Variants in NBPF15 observed in about 807,000 individuals in gnomAD.
The protein encoded by NBPF15 is NBPF family member NBPF15.
A neutral mutation model predicts 62.2 loss-of-function variants in NBPF15; 74 were observed. That is an observed-to-expected ratio of 1.19 (90% CI 0.99 to 1.44). NBPF15 has a LOEUF of 1.44. Among genes scored for constraint, NBPF15 ranks in the 40% most tolerant of loss-of-function variants. The pLI is 0.00. For missense variants in NBPF15, 790 were observed against 550.0 expected (o/e 1.44, Z -4.36); for synonymous variants, 244 against 209.7 (o/e 1.16, Z -1.41).
At chr1:144,426,695 G>A (rs1669940969) in intron 17 of NBPF15, among the ~76,000 whole-genome samples, 1 of 151,686 alleles carries the variant, frequency 6.6e-6, no homozygotes, top group African/African-American at 2.4e-5. Flanking sequence ...TTGGCCGGGT[G>A]ACACACTGAT....
chr1:144,442,291 T>A (rs1416744833), intron 6 of NBPF15, among the ~76,000 whole-genome samples: 5 of 109,110 alleles, frequency 4.6e-5, no homozygotes, highest in East Asian at 4.6e-4. Context: ...GTGTATATAT[T>A]ATATATATAT....
intron 4 of NBPF15, among the ~76,000 whole-genome samples, chr1:144,451,808 T>C (rs1342382202): frequency 3.3e-5 from 5 of 151,300 alleles, no homozygotes; most frequent in African/African-American, 1.2e-4. Context: ...GAGTCTCTTA[T>C]GTCTACTTCT....
rs1228844111 is a variant in NBPF15, at chr1:144,422,866, G to A, written c.*147C>T. Reference sequence around the variant, plus strand: ...TTCAGATTGAGCACAGGTTGCCAATGGCATGGTTTGAGAATAGGAATAGAG... The same window carrying A: ...TTCAGATTGAGCACAGGTTGCCAATAGCATGGTTTGAGAATAGGAATAGAG... On this transcript the variant is annotated 3_prime_UTR_variant, in exon 22 of 22. Transcript: ENST00000581897. 5.7e-6 allele frequency: 9 copies of A among 1,575,102 alleles called. No homozygotes were observed. The South Asian group carries it at 1.1e-4, about 19-fold the overall frequency.
At chr1:144,439,223 C>T (rs1681025668) in intron 8 of NBPF15, among the ~76,000 whole-genome samples, 1 of 151,810 alleles carries the variant, frequency 6.6e-6, no homozygotes, top group African/African-American at 2.4e-5. Flanking sequence ...ACCTCATGAT[C>T]TGCCCGCCTC....
intron 3 of NBPF15, among the ~76,000 whole-genome samples, chr1:144,457,946 G>T (rs1170683580): frequency 6.6e-6 from 1 of 151,914 alleles, no homozygotes; most frequent in East Asian, 1.9e-4. Flanking sequence ...AATTAGCCGG[G>T]CATAGTGGTG....
chr1:144,442,314 ATAT>A (rs1393203724), intron 6 of NBPF15, among the ~76,000 whole-genome samples: 5 of 132,024 alleles, frequency 3.8e-5, no homozygotes, highest in African/African-American at 1.4e-4. Flanking sequence ...ACACGTGTAT[ATAT>A]TATATATATA....
chr1:144,456,520 T>A lies in NBPF15; in HGVS notation c.-432+17A>T, dbSNP rs1647983598. 2 of 1,321,796 alleles carry A rather than the reference T, an allele frequency of 1.5e-6. No individual in the cohort carries two copies. Among genetic ancestry groups the A allele is most frequent in the East Asian group, 6.4e-5 (2 of 31,104 alleles). 81.9% of individuals were successfully genotyped at this position (1,321,796 alleles called of 1,614,324 possible). On this transcript the variant is annotated intron_variant, in intron 4 of 21. Transcript: ENST00000581897. ...CTCTCTGACTCCATCGAGCTGGCAA[T>A]GCCTCAGGGTTTTTACCTGTGGGAT...
At chr1:144,459,251 G>T (rs1274834707) in intron 3 of NBPF15, 115 bp downstream of exon 3, 2 of 151,874 alleles carry the variant, frequency 1.3e-5, no homozygotes, top group African/African-American at 2.4e-5. Flanking sequence ...AACACTTTGG[G>T]AGGCCGAGGC....
chr1:144,437,779 A>G (rs1251070085), intron 9 of NBPF15, among the ~76,000 whole-genome samples, 166 bp downstream of exon 9: 1 of 151,958 alleles, frequency 6.6e-6, no homozygotes, highest in African/African-American at 2.4e-5. Flanking sequence ...ATACATTTTT[A>G]TTATCCTTCT....
rs587628591 is a variant in NBPF15, at chr1:144,423,485, G to C, written c.1770-229C>G. On this transcript the variant is annotated intron_variant, in intron 21 of 21. Coordinates refer to ENST00000581897, the MANE Select transcript of NBPF15 (RefSeq NM_001385408.1). ...AGAGAGACAGAGACAGAGACAGAGAGAAAGTGAGCTAGTGAATTGCCCAGG... is the reference window on the plus strand; with the variant it reads ...AGAGAGACAGAGACAGAGACAGAGACAAAGTGAGCTAGTGAATTGCCCAGG... 5.3e-5 allele frequency among the ~76,000 whole-genome samples: 8 copies of C among 152,100 alleles called. No individual in the cohort carries two copies. In the East Asian group the frequency reaches 1.4e-3, roughly 26 times the overall value.
At position 144,425,582 on chromosome 1, in the gene NBPF15, A is replaced by T. The variant is rs1669144527; in HGVS notation, c.1439-14T>A. The T allele has an allele frequency of 5.4e-6, 3 of 551,002 alleles. No individual in the cohort carries two copies. Among genetic ancestry groups the T allele is most frequent in the South Asian group, 3.6e-5 (2 of 55,388 alleles). 34.1% of individuals were successfully genotyped at this position (551,002 alleles called of 1,614,324 possible). A position where few individuals can be genotyped will look rare whatever the true frequency, so the allele number is the denominator to read the frequency against. ...CCTTTTTAATTCCTGCAATACATTC[A>T]GACAGGGACAGACAAAATAAGCCAA... On this transcript the variant is annotated splice_polypyrimidine_tract_variant and intron_variant, in intron 18 of 21. Transcript: ENST00000581897.
Position 144,436,930 on chromosome 1 carries a change from C to A in NBPF15, c.458G>T (p.Arg153Ile), listed in dbSNP as rs1298340912. 1.2e-6 allele frequency: 2 copies of A among 1,612,170 alleles called. No homozygotes were observed. Among genetic ancestry groups the A allele is most frequent in the Non-Finnish European group, 1.7e-6 (2 of 1,179,642 alleles). The change falls in exon 10 of 22, where the codon AGA (arginine) becomes ATA (isoleucine). Residue 153 changes from arginine (R) to isoleucine (I), a missense_variant. Transcript: ENST00000581897. Reference sequence around the variant, plus strand: ...CTTTTGGACAAGGTGCTGTGTCAGTCTACACCCCTCAGCCAGCTGTTCTTG... The same window carrying A: ...CTTTTGGACAAGGTGCTGTGTCAGTATACACCCCTCAGCCAGCTGTTCTTG... ...DLQEQLAEGC[R>I]LTQHLVQKLS... is the part of the protein sequence containing the mutation.
chr1:144,440,365 C>T lies in NBPF15; in HGVS notation c.-190-70G>A, dbSNP rs1405111754. On this transcript the variant is annotated intron_variant, in intron 6 of 21. Transcript: ENST00000581897. ...TCTTAGGAGCCCTGCATTCCAATTG[C>T]CCAGGCTTTGCTGAAACACAGGCAC... 6 of 904,368 alleles carry T rather than the reference C, an allele frequency of 6.6e-6. No individual in the cohort carries two copies. In the African/African-American group the frequency reaches 6.8e-5, roughly 10 times the overall value. 56.0% of individuals were successfully genotyped at this position (904,368 alleles called of 1,614,324 possible).
At chr1:144,455,347 C>A (rs1345145226) in intron 4 of NBPF15, among the ~76,000 whole-genome samples, 1 of 152,002 alleles carries the variant, frequency 6.6e-6, no homozygotes, top group Non-Finnish European at 1.5e-5. Flanking sequence ...TCCAGGGGAA[C>A]TTACACCACC....
In NBPF15 at chr1:144,440,263, AG is replaced by A; in HGVS notation, c.-159del. 6.6e-7 allele frequency: 1 copy of A among 1,505,890 alleles called. No individual in the cohort carries two copies. The highest frequency in any genetic ancestry group is 8.9e-7 in the Non-Finnish European group (1 of 1,123,332). 93.3% of individuals were successfully genotyped at this position (1,505,890 alleles called of 1,614,324 possible). ...AGTAGCGCAGACTCTGATAAGAGTGAGGTAGATTGTGGCCAGCGTGCCAGGT... is the reference window on the plus strand; with the variant it reads ...AGTAGCGCAGACTCTGATAAGAGTGAGTAGATTGTGGCCAGCGTGCCAGGT... On this transcript the variant is annotated 5_prime_UTR_variant, in exon 7 of 22. An upstream open reading frame in the 5' UTR gains an earlier in-frame stop. Transcript: ENST00000581897.
At chr1:144,447,720 G>C (rs1688582450) in intron 6 of NBPF15, among the ~76,000 whole-genome samples, 1 of 152,096 alleles carries the variant, frequency 6.6e-6, no homozygotes, top group Non-Finnish European at 1.5e-5. Flanking sequence ...TCAGCGTAAA[G>C]CACTCAACCA....
intron 2 of NBPF15, among the ~76,000 whole-genome samples, 183 bp from the exon 3 acceptor site, chr1:144,459,666 C>G (rs1651003084): frequency 6.6e-6 from 1 of 151,744 alleles, no homozygotes. Context: ...TCAATGAAAA[C>G]TGGATAAAAA....
chr1:144,422,936 T>G lies in NBPF15; in HGVS notation c.*77A>C. 1 of 1,611,512 alleles carries G rather than the reference T, an allele frequency of 6.2e-7. No homozygotes were observed. Among genetic ancestry groups the G allele is most frequent in the Non-Finnish European group, 8.5e-7 (1 of 1,179,544 alleles). ...CTATGTCTGGGCTTCCAAATGGAAC[T>G]GTACTTTCATTCAAATCTTCTCGTG... is the stretch of plus-strand genomic sequence containing the variant. On this transcript the variant is annotated 3_prime_UTR_variant, in exon 22 of 22. Coordinates refer to ENST00000581897, the MANE Select transcript of NBPF15 (RefSeq NM_001385408.1).
At position 144,435,826 on chromosome 1, in the gene NBPF15, A is replaced by ACATCTT. The variant is rs1238149905; in HGVS notation, c.515_520dup (p.Glu172_Asp173dup). On this transcript the variant is annotated inframe_insertion, in exon 11 of 22. Coordinates refer to ENST00000581897, the MANE Select transcript of NBPF15 (RefSeq NM_001385408.1). ...CACTTTCTCAGCCACCTCAACTTGA[A>ACATCTT]CATCTTCATCGTCATCGTTGTCATT... is the stretch of plus-strand genomic sequence containing the variant. 1 of 1,188,844 alleles carries ACATCTT rather than the reference A, an allele frequency of 8.4e-7. No individual in the cohort carries two copies. The highest frequency in any genetic ancestry group is 1.5e-5 in the African/African-American group (1 of 67,192). 73.6% of individuals were successfully genotyped at this position (1,188,844 alleles called of 1,614,324 possible). A position where few individuals can be genotyped will look rare whatever the true frequency, so the allele number is the denominator to read the frequency against.
Sources: gnomAD v4.1 joint callset for allele counts (sites outside exome capture counted in the v4.1 genomes callset) on GRCh38, gnomAD v4.1.1 for gene constraint, MANE v1.5 for transcripts, NCBI Gene and HGNC (gene_info 2026-07-23, HGNC 2026-07-21) for gene names.